IQSEC1: variants seen among roughly 807,000 people sequenced by gnomAD.
IQSEC1 encodes IQ motif and SEC7 domain-containing protein 1.
A neutral mutation model predicts 91.0 loss-of-function variants in IQSEC1; 31 were observed. The observed-to-expected ratio is 0.34, with a 90% CI of 0.26 to 0.46. IQSEC1 has a LOEUF of 0.46. Ranked by LOEUF, IQSEC1 falls within the 20% of genes least tolerant of loss-of-function variation. IQSEC1 has a pLI of 1.00. For synonymous variants in IQSEC1, 699 were observed against 662.6 expected (o/e 1.05, Z -0.84); for missense variants, 1,388 against 1,575.6 (o/e 0.88, Z 2.02).
chr3:13,011,858 G>A (rs1702897716), intron 1 of IQSEC1, among the ~76,000 whole-genome samples: 1 of 152,196 alleles, frequency 6.6e-6, no homozygotes, highest in Admixed American at 6.5e-5. Flanking sequence ...TCCCTGCCAT[G>A]GGTAACATCC....
chr3:13,204,449 G>C (rs1312129108), intron 1 of IQSEC1, among the ~76,000 whole-genome samples: 1 of 152,220 alleles, frequency 6.6e-6, no homozygotes, highest in African/African-American at 2.4e-5. Flanking sequence ...CCCCTCCCAC[G>C]GTCCAGCAAG....
At chr3:13,054,074 C>T (rs540822859) in intron 1 of IQSEC1, among the ~76,000 whole-genome samples, 6 of 152,324 alleles carry the variant, frequency 3.9e-5, no homozygotes, top group African/African-American at 1.2e-4. Context: ...TTCCTCCCCT[C>T]GCCCCATGGA....
At chr3:13,071,414 C>T (rs1705421322) in intron 1 of IQSEC1, among the ~76,000 whole-genome samples, 1 of 152,116 alleles carries the variant, frequency 6.6e-6, no homozygotes, top group Non-Finnish European at 1.5e-5. Flanking sequence ...ATCCTCATGA[C>T]ATCTCCCCTC....
At chr3:12,913,267 T>C (rs1215709912) in intron 9 of IQSEC1, among the ~76,000 whole-genome samples, 161 bp downstream of exon 9, 1 of 152,228 alleles carries the variant, frequency 6.6e-6, no homozygotes, top group Non-Finnish European at 1.5e-5. Context: ...CATGAGCCAA[T>C]GAAGTCTGTC....
intron 1 of IQSEC1, among the ~76,000 whole-genome samples, chr3:13,014,348 G>C (rs1703019952): frequency 6.6e-6 from 1 of 152,218 alleles, no homozygotes; most frequent in African/African-American, 2.4e-5. Context: ...TTCGCTATGG[G>C]TTATATGGAA....
At chr3:13,231,594 G>A (rs1156911390) in intron 1 of IQSEC1, among the ~76,000 whole-genome samples, 2 of 152,130 alleles carry the variant, frequency 1.3e-5, no homozygotes, top group Non-Finnish European at 2.9e-5. Context: ...GGGGATTAGG[G>A]TTTTAACATG....
At chr3:13,257,030 A>C (rs1244864377) in intron 1 of IQSEC1, among the ~76,000 whole-genome samples, 3 of 152,136 alleles carry the variant, frequency 2.0e-5, no homozygotes, top group Non-Finnish European at 2.9e-5. Context: ...TCCCTTTTGT[A>C]AAAAAGAAAA....
chr3:13,227,177 A>G (rs1418924068), intron 1 of IQSEC1, among the ~76,000 whole-genome samples: 2 of 152,010 alleles, frequency 1.3e-5, no homozygotes, highest in Non-Finnish European at 2.9e-5. Flanking sequence ...GGAGTTCAAG[A>G]CCAACCTGGC....
chr3:13,060,358 G>T (rs887793107), intron 1 of IQSEC1, among the ~76,000 whole-genome samples: 3 of 152,158 alleles, frequency 2.0e-5, no homozygotes, highest in Non-Finnish European at 4.4e-5. Context: ...GCAGGCAATG[G>T]CTGAGTCCTG....
intron 1 of IQSEC1, among the ~76,000 whole-genome samples, chr3:13,231,158 T>A (rs1694832647): frequency 1.3e-5 from 2 of 152,244 alleles, no homozygotes; most frequent in African/African-American, 4.8e-5. Context: ...AGATCCTGTT[T>A]GGACATGTTA....
chr3:12,989,640 A>C (rs961536844), intron 1 of IQSEC1, among the ~76,000 whole-genome samples: 2 of 152,120 alleles, frequency 1.3e-5, no homozygotes, highest in Non-Finnish European at 2.9e-5. Context: ...GAAGCCCCCA[A>C]AAGGCTGGCT....
intron 2 of IQSEC1, among the ~76,000 whole-genome samples, chr3:13,119,632 G>A (rs1174255399): frequency 3.9e-5 from 6 of 152,256 alleles, no homozygotes; most frequent in Non-Finnish European, 8.8e-5. Context: ...ACAAAAAGCA[G>A]ACGGTGGGCT....
At chr3:13,142,618 C>T (rs1706819940) in intron 2 of IQSEC1, among the ~76,000 whole-genome samples, 1 of 152,210 alleles carries the variant, frequency 6.6e-6, no homozygotes. Flanking sequence ...GGGTTTGCTG[C>T]CCACTTTTGC....
At chr3:13,071,777 C>T (rs1705437504) in intron 1 of IQSEC1, among the ~76,000 whole-genome samples, 1 of 133,928 alleles carries the variant, frequency 7.5e-6, no homozygotes, top group Non-Finnish European at 1.6e-5. Context: ...GAACCAGAGG[C>T]CACTGCCATT....
At chr3:13,192,846 T>C (rs1170681786) in intron 1 of IQSEC1, among the ~76,000 whole-genome samples, 1 of 152,220 alleles carries the variant, frequency 6.6e-6, no homozygotes, top group Non-Finnish European at 1.5e-5. Flanking sequence ...CAGTGTCAGC[T>C]CTGGAGTTCT....
intron 1 of IQSEC1, among the ~76,000 whole-genome samples, chr3:13,264,567 A>C (rs1695450967): frequency 1.3e-5 from 2 of 150,656 alleles, no homozygotes; most frequent in South Asian, 2.1e-4. Context: ...GCTCCCTCTC[A>C]CCACATGGCA....
chr3:13,012,627 C>T (rs138607149), intron 1 of IQSEC1, among the ~76,000 whole-genome samples: 7 of 152,338 alleles, frequency 4.6e-5, no homozygotes, highest in Non-Finnish European at 8.8e-5. Context: ...TGAGCACTTG[C>T]TACATGCCGG....
intron 9 of IQSEC1, among the ~76,000 whole-genome samples, chr3:12,912,536 G>A (rs187523764): frequency 6.6e-6 from 1 of 152,204 alleles, no homozygotes; most frequent in Non-Finnish European, 1.5e-5. Context: ...CAAGAACATG[G>A]GCCTGTAGTC....
At chr3:12,976,271 C>T (rs1299893395) in intron 1 of IQSEC1, among the ~76,000 whole-genome samples, 1 of 152,200 alleles carries the variant, frequency 6.6e-6, no homozygotes, top group Non-Finnish European at 1.5e-5. Flanking sequence ...GCAGCAGTGG[C>T]CGCCCCAGGA....
Sources: gnomAD v4.1 joint callset for allele counts (sites outside exome capture counted in the v4.1 genomes callset) on GRCh38, gnomAD v4.1.1 for gene constraint, MANE v1.5 for transcripts, NCBI Gene and HGNC (gene_info 2026-07-23, HGNC 2026-07-21) for gene names.